APPBP2: variants seen among roughly 807,000 people sequenced by gnomAD.
The protein encoded by APPBP2 is amyloid beta precursor protein binding protein 2, also known as amyloid protein-binding protein 2.
Under a neutral mutation model 76.0 loss-of-function variants are expected in APPBP2, and 15 were observed. That is an observed-to-expected ratio of 0.20 (90% CI 0.13 to 0.30). APPBP2 has a LOEUF of 0.30. APPBP2 is among the 10% of genes least tolerant of loss of function. The pLI is 1.00. For synonymous variants in APPBP2, 222 were observed against 242.2 expected (o/e 0.92, Z 0.77); for missense variants, 401 against 687.2 (o/e 0.58, Z 4.66).
chr17:60,507,503 T>C (rs763629738), intron 1 of APPBP2, among the ~76,000 whole-genome samples: 12 of 152,142 alleles, frequency 7.9e-5, no homozygotes, highest in Non-Finnish European at 1.3e-4. Context: ...ATTACAGGCA[T>C]GAGCCACAAT....
intron 12 of APPBP2, among the ~76,000 whole-genome samples, chr17:60,450,887 C>T (rs1388271344): frequency 1.3e-5 from 2 of 152,028 alleles, no homozygotes; most frequent in African/African-American, 2.4e-5. Context: ...ATGTAACCAA[C>T]GAAGGTCTGT....
intron 5 of APPBP2, among the ~76,000 whole-genome samples, chr17:60,464,455 T>C (rs1361083019): frequency 2.6e-5 from 4 of 152,208 alleles, no homozygotes; most frequent in Non-Finnish European, 5.9e-5. Flanking sequence ...ATCTGTCTTG[T>C]GGGGTTTCCT....
intron 1 of APPBP2, among the ~76,000 whole-genome samples, chr17:60,501,010 T>G (rs1290222366): frequency 6.6e-6 from 1 of 152,164 alleles, no homozygotes; most frequent in Non-Finnish European, 1.5e-5. Flanking sequence ...TTTTTAGAAC[T>G]ACAATTTAAA....
At position 60,462,068 on chromosome 17, in the gene APPBP2, A is replaced by G. The variant is rs1187601440; in HGVS notation, c.763-7T>C. 2.5e-6 allele frequency: 4 copies of G among 1,609,322 alleles called. No individual in the cohort carries two copies. The highest frequency in any genetic ancestry group is 3.4e-6 in the Non-Finnish European group (4 of 1,175,890). ...CACGTTTTACTACACAAGCCTAAAG[A>G]TAAAGTGAAAAATGGTTAACTCTCA... On this transcript the variant is annotated splice_polypyrimidine_tract_variant and splice_region_variant and intron_variant, in intron 6 of 12. Coordinates refer to ENST00000083182, the MANE Select transcript of APPBP2 (RefSeq NM_006380.5).
At chr17:60,496,854 G>A (rs1567935225) in intron 2 of APPBP2, among the ~76,000 whole-genome samples, 1 of 152,092 alleles carries the variant, frequency 6.6e-6, no homozygotes, top group Non-Finnish European at 1.5e-5. Flanking sequence ...CCGAGTAGCT[G>A]GGATTACAGG....
At chr17:60,506,512 CT>C (rs2090869327) in intron 1 of APPBP2, among the ~76,000 whole-genome samples, 1 of 152,266 alleles carries the variant, frequency 6.6e-6, no homozygotes. Flanking sequence ...AGCTCTTCCC[CT>C]GACTCAGCAA....
In APPBP2 at chr17:60,443,634, T is replaced by G. The variant is rs140668724; in HGVS notation, c.*3947A>C. ...AGGAATATACAGAAATGAGTAATGT[T>G]ACACAAACGGTACCTGCAATGGTTA... On this transcript the variant is annotated 3_prime_UTR_variant, in exon 13 of 13. Transcript: ENST00000083182. 323 of 152,736 alleles carry G rather than the reference T, an allele frequency of 2.1e-3. 1 individual carries two copies. The highest frequency in any genetic ancestry group is 7.5e-3 in the African/African-American group (311 of 41,568). 9.5% of individuals were successfully genotyped at this position (152,736 alleles called of 1,614,324 possible).
chr17:60,460,494 T>C, intron 9 of APPBP2, 169 bp downstream of exon 9: 1 of 602,088 alleles, frequency 1.7e-6, no homozygotes, highest in Non-Finnish European at 2.5e-6. Flanking sequence ...TGATTTTAAA[T>C]GACTTCAAGA....
intron 3 of APPBP2, among the ~76,000 whole-genome samples, chr17:60,480,140 T>C (rs148726741): frequency 2.6e-5 from 4 of 152,212 alleles, no homozygotes; most frequent in African/African-American, 7.2e-5. Flanking sequence ...AACACATTTT[T>C]TTGCACATTA....
intron 1 of APPBP2, among the ~76,000 whole-genome samples, chr17:60,517,486 G>A (rs2090972270): frequency 6.6e-6 from 1 of 152,060 alleles, no homozygotes; most frequent in Non-Finnish European, 1.5e-5. Context: ...ATTAATCTTT[G>A]CTGACATAAA....
intron 1 of APPBP2, among the ~76,000 whole-genome samples, chr17:60,509,160 T>G (rs1441302552): frequency 6.6e-6 from 1 of 151,784 alleles, no homozygotes; most frequent in Non-Finnish European, 1.5e-5. Context: ...GGCAGGTGGA[T>G]CACAAGGTCA....
chr17:60,462,167 C>G (rs1367350998), intron 6 of APPBP2, 106 bp from the exon 7 acceptor site: 1 of 848,668 alleles, frequency 1.2e-6, no homozygotes, highest in Non-Finnish European at 1.9e-6. Context: ...AAAAAAAACC[C>G]TCCAAACATA....
chr17:60,479,318 T>C (rs2090613197), intron 3 of APPBP2, 47 bp from the exon 4 acceptor site: 3 of 1,558,480 alleles, frequency 1.9e-6, no homozygotes, highest in Non-Finnish European at 2.6e-6. Context: ...ATAAATAGCC[T>C]GCAAGATAAA....
At chr17:60,493,686 C>A (rs1175928197) in intron 3 of APPBP2, among the ~76,000 whole-genome samples, 1 of 147,854 alleles carries the variant, frequency 6.8e-6, no homozygotes, top group Non-Finnish European at 1.5e-5. Flanking sequence ...GTTACCCAGG[C>A]TGGAGTGCAG....
intron 1 of APPBP2, among the ~76,000 whole-genome samples, chr17:60,523,616 C>G (rs976874939): frequency 7.9e-5 from 12 of 152,126 alleles, no homozygotes; most frequent in South Asian, 4.1e-4. Context: ...ATAGCTTGAG[C>G]CCAGGAGTTC....
chr17:60,454,765 A>G (rs1404721960), intron 10 of APPBP2, among the ~76,000 whole-genome samples: 5 of 152,226 alleles, frequency 3.3e-5, no homozygotes, highest in Non-Finnish European at 5.9e-5. Flanking sequence ...ATAGACTGCT[A>G]TACTTTGCTG....
chr17:60,510,423 G>A (rs1197281003), intron 1 of APPBP2, among the ~76,000 whole-genome samples: 1 of 151,388 alleles, frequency 6.6e-6, no homozygotes. Flanking sequence ...ATTTTAAAAA[G>A]TAAAAAACTC....
intron 10 of APPBP2, among the ~76,000 whole-genome samples, chr17:60,454,878 A>C (rs7209202): frequency 0.2 from 30,648 of 152,132 alleles, 10,296 homozygotes; most frequent in African/African-American, 0.7. Context: ...AATTTTGAAA[A>C]CACACTTTAT....
Position 60,526,204 on chromosome 17 carries a change from T to A in APPBP2, c.-273A>T, listed in dbSNP as rs1050594397. On this transcript the variant is annotated 5_prime_UTR_variant, in exon 1 of 13. Coordinates refer to ENST00000083182, the MANE Select transcript of APPBP2 (RefSeq NM_006380.5). ...CGGTTCGAGAGGAACCCGGGTTCCG[T>A]CCCAGCGCTGATCTCTGCAGGGGCG... 4.5e-6 allele frequency: 2 copies of A among 440,446 alleles called. No individual in the cohort carries two copies. Among genetic ancestry groups the A allele is most frequent in the Non-Finnish European group, 8.5e-6 (2 of 236,320 alleles). 27.3% of individuals were successfully genotyped at this position (440,446 alleles called of 1,614,324 possible).
Sources: allele counts gnomAD v4.1 joint callset (sites outside exome capture counted in the v4.1 genomes callset), GRCh38; gene constraint gnomAD v4.1.1; transcripts MANE v1.5; gene names NCBI Gene and HGNC (gene_info 2026-07-23, HGNC 2026-07-21).